Variants in PAPPA2 observed in about 807,000 individuals in gnomAD.
PAPPA2 encodes the protein pappalysin 2.
Under a neutral mutation model 176.4 loss-of-function variants are expected in PAPPA2, and 86 were observed. The observed-to-expected ratio is 0.49, with a 90% CI of 0.41 to 0.58. The LOEUF is 0.58. Among genes scored for constraint, PAPPA2 ranks in the 20% least tolerant of loss-of-function variants. The probability of loss-of-function intolerance (pLI) is 0.00; values close to 1 mark genes in which losing one functional copy is unlikely to be tolerated. For missense variants in PAPPA2, 2,073 were observed against 2,256.9 expected (o/e 0.92, Z 1.65); for synonymous variants, 809 against 852.2 (o/e 0.95, Z 0.88).
chr1:176,623,679 TTCTTTCTC>T (rs1655792079), intron 3 of PAPPA2, among the ~76,000 whole-genome samples: 2 of 146,840 alleles, frequency 1.4e-5, no homozygotes, highest in Non-Finnish European at 3.0e-5. Context: ...TTTTCTTTCT[TTCTTTCTC>T]TCTCTCTTTC....
At chr1:176,613,543 A>C (rs1655045952) in intron 3 of PAPPA2, among the ~76,000 whole-genome samples, 1 of 152,218 alleles carries the variant, frequency 6.6e-6, no homozygotes. Flanking sequence ...TCTATGCCTC[A>C]GTTTCTGCAT....
chr1:176,561,190 A>C (rs922061476), intron 2 of PAPPA2, among the ~76,000 whole-genome samples: 1 of 152,248 alleles, frequency 6.6e-6, no homozygotes, highest in Non-Finnish European at 1.5e-5. Flanking sequence ...AAATGGAAAA[A>C]GGAGAAAAAT....
At chr1:176,631,809 A>C (rs1324141377) in intron 3 of PAPPA2, among the ~76,000 whole-genome samples, 1 of 152,222 alleles carries the variant, frequency 6.6e-6, no homozygotes, top group African/African-American at 2.4e-5. Context: ...GGGTAAAGGC[A>C]GTATTTCTTT....
At chr1:176,726,804 A>G (rs1445709006) in intron 12 of PAPPA2, among the ~76,000 whole-genome samples, 2 of 152,196 alleles carry the variant, frequency 1.3e-5, no homozygotes, top group Non-Finnish European at 2.9e-5. Flanking sequence ...TTTACTAAGG[A>G]GTGGTCTAGG....
intron 1 of PAPPA2, chr1:176,537,471 G>T (rs1235156395): frequency 6.6e-6 from 1 of 152,144 alleles, no homozygotes. Context: ...TTTTAAATGG[G>T]TCCTCTGAAG....
At chr1:176,820,717 C>A (rs902821430) in intron 21 of PAPPA2, among the ~76,000 whole-genome samples, 4 of 152,076 alleles carry the variant, frequency 2.6e-5, no homozygotes, top group African/African-American at 9.7e-5. Flanking sequence ...TGTGCAAATT[C>A]TCTCCTGATT....
intron 2 of PAPPA2, among the ~76,000 whole-genome samples, chr1:176,574,948 C>T (rs1273110262): frequency 6.6e-6 from 1 of 152,200 alleles, no homozygotes; most frequent in Non-Finnish European, 1.5e-5. Context: ...CATATAGCCT[C>T]GGTATGTTCT....
At chr1:176,618,663 A>G (rs1265944021) in intron 3 of PAPPA2, among the ~76,000 whole-genome samples, 1 of 152,226 alleles carries the variant, frequency 6.6e-6, no homozygotes, top group East Asian at 1.9e-4. Context: ...TACCAGATAA[A>G]TGAGGTATAG....
chr1:176,662,084 C>T (rs1252467737), intron 3 of PAPPA2, among the ~76,000 whole-genome samples: 1 of 152,116 alleles, frequency 6.6e-6, no homozygotes, highest in Non-Finnish European at 1.5e-5. Flanking sequence ...AGCACAGTGA[C>T]TTGCAGATAA....
In PAPPA2 at chr1:176,769,704, A is replaced by G. The variant is rs372327187; in HGVS notation, c.4421A>G (p.Tyr1474Cys). The change falls in exon 16 of 23, where the codon TAT (tyrosine) becomes TGT (cysteine). Residue 1474 changes from tyrosine (Y) to cysteine (C), a missense_variant. Coordinates refer to ENST00000367662, the MANE Select transcript of PAPPA2 (RefSeq NM_020318.3). The part of the protein sequence containing the change: ...CGVPDPSLVN[Y>C]ANFSCSEGTK... ...GTTCCCGACCCGTCTTTGGTGAACT[A>G]TGCAAACTTCTCCTGCTCAGAGGGA... 122 of 1,613,828 alleles carry G rather than the reference A, an allele frequency of 7.6e-5. No homozygotes were observed. Among genetic ancestry groups the G allele is most frequent in the East Asian group, 1.1e-4 (5 of 44,862 alleles).
At chr1:176,593,322 A>G (rs1305600935) in intron 2 of PAPPA2, among the ~76,000 whole-genome samples, 1 of 152,240 alleles carries the variant, frequency 6.6e-6, no homozygotes, top group African/African-American at 2.4e-5. Flanking sequence ...GGGAACAAAT[A>G]AAAGTCTTAT....
At position 176,843,568 on chromosome 1, in the gene PAPPA2, T is replaced by G. The variant is rs904475973; in HGVS notation, c.*1114T>G. The stretch of plus-strand genomic sequence containing the variant: ...ACAGGAACTCACACACTCCTCATAC[T>G]TGGCCTGTAGTCCTACTTCTTGTTA... On this transcript the variant is annotated 3_prime_UTR_variant, in exon 23 of 23. Transcript: ENST00000367662. 3.9e-5 allele frequency: 6 copies of G among 152,166 alleles called. No individual in the cohort carries two copies. Among genetic ancestry groups the G allele is most frequent in the Non-Finnish European group, 5.9e-5 (4 of 68,030 alleles). 9.4% of individuals were successfully genotyped at this position (152,166 alleles called of 1,614,324 possible).
chr1:176,837,066 C>T (rs918242516), intron 21 of PAPPA2, among the ~76,000 whole-genome samples: 12 of 152,130 alleles, frequency 7.9e-5, no homozygotes, highest in Non-Finnish European at 1.8e-4. Context: ...GAAGAAATTA[C>T]GTTTACTTTT....
intron 3 of PAPPA2, among the ~76,000 whole-genome samples, chr1:176,630,141 G>A (rs1246447461): frequency 1.3e-5 from 2 of 152,062 alleles, no homozygotes; most frequent in African/African-American, 4.8e-5. Context: ...TGGGAGGGAG[G>A]GTCCTTTCTT....
chr1:176,842,507 GCC>G lies in PAPPA2; in HGVS notation c.*54_*55del. On this transcript the variant is annotated 3_prime_UTR_variant, in exon 23 of 23. Coordinates refer to ENST00000367662, the MANE Select transcript of PAPPA2 (RefSeq NM_020318.3). Reference sequence around the variant, plus strand: ...GCCTCAGAGGCAGTAAGAAAGAGAGGCCGACCCAGGAGGAAACAAAGGGTGAA... The same window carrying G: ...GCCTCAGAGGCAGTAAGAAAGAGAGGGACCCAGGAGGAAACAAAGGGTGAA... 6.7e-7 allele frequency: 1 copy of G among 1,501,368 alleles called. No homozygotes were observed. Among genetic ancestry groups the G allele is most frequent in the Non-Finnish European group, 9.3e-7 (1 of 1,080,762 alleles). 93.0% of individuals were successfully genotyped at this position (1,501,368 alleles called of 1,614,324 possible). A position where few individuals can be genotyped will look rare whatever the true frequency, so the allele number is the denominator to read the frequency against.
At chr1:176,628,227 A>C (rs775084886) in intron 3 of PAPPA2, among the ~76,000 whole-genome samples, 1 of 152,136 alleles carries the variant, frequency 6.6e-6, no homozygotes, top group African/African-American at 2.4e-5. Context: ...AGGAGGGTTC[A>C]GAATGTATGC....
At chr1:176,752,450 C>T (rs1167247647) in intron 14 of PAPPA2, among the ~76,000 whole-genome samples, 4 of 150,018 alleles carry the variant, frequency 2.7e-5, no homozygotes, top group Admixed American at 1.3e-4. Flanking sequence ...TGAACATATA[C>T]ATATAATTAA....
At chr1:176,584,804 G>A (rs1368033035) in intron 2 of PAPPA2, among the ~76,000 whole-genome samples, 3 of 151,774 alleles carry the variant, frequency 2.0e-5, no homozygotes, top group Admixed American at 6.6e-5. Context: ...GTGCCATCTC[G>A]GCGCAGTGCA....
chr1:176,711,223 C>T (rs571479221), intron 11 of PAPPA2, among the ~76,000 whole-genome samples: 4 of 152,094 alleles, frequency 2.6e-5, no homozygotes, highest in African/African-American at 4.8e-5. Flanking sequence ...AGATACCGAT[C>T]GGCAACTAGC....
Sources: allele counts gnomAD v4.1 joint callset (sites outside exome capture counted in the v4.1 genomes callset), GRCh38; gene constraint gnomAD v4.1.1; transcripts MANE v1.5; gene names NCBI Gene and HGNC (gene_info 2026-07-23, HGNC 2026-07-21).